The following MGME1 variants were observed in gnomAD, a reference collection of about 807,000 sequenced individuals.
MGME1 encodes mitochondrial genome maintenance exonuclease 1, also known as chromosome 20 open reading frame 72.
Under a neutral mutation model 33.0 loss-of-function variants are expected in MGME1, and 22 were observed. The ratio of observed to expected loss-of-function variants is 0.67; its 90% CI spans 0.48 to 0.95. MGME1 has a LOEUF of 0.95. Ranked by LOEUF, MGME1 falls within the 40% of genes least tolerant of loss-of-function variation. The pLI is 0.00. For synonymous variants in MGME1, 133 were observed against 144.0 expected, an observed-to-expected ratio of 0.92 and a Z score of 0.55; for missense variants, 383 against 397.8, an observed-to-expected ratio of 0.96 and a Z score of 0.32.
intron 3 of MGME1, 133 bp downstream of exon 3, chr20:17,976,036 G>A: frequency 2.8e-6 from 2 of 710,922 alleles, no homozygotes; most frequent in Non-Finnish European, 2.4e-6. Flanking sequence ...ATTGGGTGGG[G>A]CGGGGTTGAG....
Position 17,970,329 on chromosome 20 carries a change from T to G in MGME1, c.470T>G (p.Ile157Ser). Reference sequence around the variant, plus strand: ...TTGGAGAGGTGGAAACAGCGGATGATTCTGGAACTGGGAGAAGATGGCTTT... The same window carrying G: ...TTGGAGAGGTGGAAACAGCGGATGAGTCTGGAACTGGGAGAAGATGGCTTT... ...FLLERWKQRM[I>S]LELGEDGFKE... Residue 157 changes from isoleucine to serine, a missense_variant, in exon 2 of 5, where the codon ATT becomes AGT. Physicochemically the swap from Ile to Ser is moderately radical, Grantham distance 142. Coordinates refer to ENST00000377710, the MANE Select transcript of MGME1 (RefSeq NM_052865.4). 3 of 1,614,038 alleles carry G rather than the reference T, an allele frequency of 1.9e-6. No homozygotes were observed. The highest frequency in any genetic ancestry group is 2.5e-6 in the Non-Finnish European group (3 of 1,180,006).
In MGME1 at chr20:17,970,247, A is replaced by C; in HGVS notation, c.388A>C (p.Ile130Leu). 1 of 1,614,276 alleles carries C rather than the reference A, an allele frequency of 6.2e-7. No individual in the cohort carries two copies. The highest frequency in any genetic ancestry group is 8.5e-7 in the Non-Finnish European group (1 of 1,180,052). ...GAAAATCCCCTTGCAAAGGAATGTG[A>C]TACCAAGTGTGACCCGAGTCCTTCA... is the stretch of plus-strand genomic sequence containing the variant. ...PLKIPLQRNV[I>L]PSVTRVLQQT... The change falls in exon 2 of 5, where the codon ATA becomes CTA. Residue 130 changes from isoleucine to leucine, a missense_variant. Transcript: ENST00000377710.
intron 2 of MGME1, among the ~76,000 whole-genome samples, chr20:17,974,062 T>TGTG (rs369364556): frequency 1.5e-4 from 11 of 71,518 alleles, no homozygotes; most frequent in South Asian, 4.4e-4. Flanking sequence ...TCTTTGTGTG[T>TGTG]TTTTTTTTTT....
At chr20:17,983,002 A>T (rs2036062358) in intron 3 of MGME1, among the ~76,000 whole-genome samples, 1 of 152,120 alleles carries the variant, frequency 6.6e-6, no homozygotes, top group Non-Finnish European at 1.5e-5. Flanking sequence ...ACTAAAATTT[A>T]TTCTTCTGAC....
At chr20:17,974,355 A>G (rs2035806686) in intron 2 of MGME1, among the ~76,000 whole-genome samples, 1 of 152,044 alleles carries the variant, frequency 6.6e-6, no homozygotes. Flanking sequence ...ATAAGCCACC[A>G]TGCCCGGCCA....
chr20:17,971,823 C>G (rs1453951548), intron 2 of MGME1, among the ~76,000 whole-genome samples: 1 of 152,154 alleles, frequency 6.6e-6, no homozygotes, highest in Non-Finnish European at 1.5e-5. Context: ...CCAGACTTGA[C>G]CGCCGGGACC....
At position 17,969,973 on chromosome 20, in the gene MGME1, GA is replaced by G. The variant is rs2035675719; in HGVS notation, c.120del (p.Val41Ter). 3 of 1,613,978 alleles carry G rather than the reference GA, an allele frequency of 1.9e-6. No individual in the cohort carries two copies. In the South Asian group the frequency reaches 3.3e-5, roughly 18 times the overall value. On this transcript the variant is annotated frameshift_variant, in exon 2 of 5. Transcript: ENST00000377710. LOFTEE classifies it high-confidence loss of function. ...CTTCCTCTTACTCATGTGGCCGGAA[GA>G]AAAAAGTGAACCCATATGAAGAAGT... Reference protein sequence around the residue: ...STSSYSCGRKKKVNPYEEVDQ... With the variant: ...STSSYSCGRKXKVNPYEEVDQ...
At chr20:17,968,704 G>A (rs770839567), upstream of MGME1, 8 of 496,708 alleles carry the variant, frequency 1.6e-5, no homozygotes, top group Middle Eastern at 5.2e-4. Context: ...GCCTACCCTT[G>A]CTCCGCTCCA....
intron 1 of MGME1, among the ~76,000 whole-genome samples, 180 bp from the exon 2 acceptor site, chr20:17,969,621 G>T (rs1222278906): frequency 6.6e-6 from 1 of 152,172 alleles, no homozygotes; most frequent in Non-Finnish European, 1.5e-5. Flanking sequence ...TTTAGTATGT[G>T]TCGGTCCTTC....
chr20:17,981,725 C>T (rs1293893732), intron 3 of MGME1, among the ~76,000 whole-genome samples: 1 of 151,276 alleles, frequency 6.6e-6, no homozygotes, highest in Admixed American at 6.6e-5. Flanking sequence ...AGTGCAGTGG[C>T]ACAATCTGGA....
At chr20:17,987,056 T>C (rs945338016) in intron 3 of MGME1, among the ~76,000 whole-genome samples, 2 of 151,478 alleles carry the variant, frequency 1.3e-5, no homozygotes. Flanking sequence ...GGCGCACACA[T>C]GTAATGCCAG....
At chr20:17,987,343 A>G (rs886891962) in intron 3 of MGME1, among the ~76,000 whole-genome samples, 3 of 152,202 alleles carry the variant, frequency 2.0e-5, no homozygotes, top group Non-Finnish European at 2.9e-5. Flanking sequence ...CCCTATAGCT[A>G]TTGAGCATTT....
At chr20:17,987,658 G>C (rs1377459958) in intron 3 of MGME1, among the ~76,000 whole-genome samples, 5 of 152,060 alleles carry the variant, frequency 3.3e-5, no homozygotes, top group African/African-American at 1.2e-4. Context: ...GTTTGCATGA[G>C]GTGTAACTGT....
chr20:17,977,897 C>A (rs2035908317), intron 3 of MGME1, among the ~76,000 whole-genome samples: 1 of 152,134 alleles, frequency 6.6e-6, no homozygotes, highest in South Asian at 2.1e-4. Flanking sequence ...GTGGCTACAA[C>A]CTGCAGGTAC....
intron 3 of MGME1, 39 bp downstream of exon 3, chr20:17,975,942 A>G (rs1451232951): frequency 6.7e-7 from 1 of 1,491,840 alleles, no homozygotes; most frequent in Non-Finnish European, 9.3e-7. Flanking sequence ...ACAGCGTAGG[A>G]CAGATGGTGC....
intron 3 of MGME1, among the ~76,000 whole-genome samples, chr20:17,981,683 G>A (rs2036025473): frequency 6.7e-6 from 1 of 148,156 alleles, no homozygotes; most frequent in South Asian, 2.1e-4. Context: ...GTGTGTGTGT[G>A]TGTCAGAGTC....
intron 2 of MGME1, among the ~76,000 whole-genome samples, chr20:17,973,485 A>G (rs866563246): frequency 2.0e-5 from 3 of 150,726 alleles, no homozygotes; most frequent in African/African-American, 4.9e-5. Context: ...GCATCTCTAC[A>G]AAAAAAAAAT....
At chr20:17,977,740 CATT>C (rs2035905320) in intron 3 of MGME1, among the ~76,000 whole-genome samples, 1 of 152,300 alleles carries the variant, frequency 6.6e-6, no homozygotes, top group East Asian at 1.9e-4. Context: ...GTTTAGTAAA[CATT>C]ATTAATTTGT....
At chr20:17,989,300 C>T (rs2036231895) in intron 4 of MGME1, among the ~76,000 whole-genome samples, 1 of 151,508 alleles carries the variant, frequency 6.6e-6, no homozygotes, top group Non-Finnish European at 1.5e-5. Flanking sequence ...GCAGGAGAAT[C>T]GCTTGAACCC....
Sources: allele counts gnomAD v4.1 joint callset (sites outside exome capture counted in the v4.1 genomes callset), GRCh38; gene constraint gnomAD v4.1.1; transcripts MANE v1.5; gene names NCBI Gene and HGNC (gene_info 2026-07-23, HGNC 2026-07-21).